Variants in NXF2B observed in about 807,000 individuals in gnomAD.
NXF2B encodes nuclear RNA export factor 2.
chrX:102,393,547 AAT>A (rs782589671), intron 2 of NXF2B, among the ~76,000 whole-genome samples: 8 of 5,320 alleles, frequency 1.5e-3, no homozygotes, highest in Admixed American at 2.7e-3. Context: ...AACAAAACTA[AAT>A]ATATATATAT....
At chrX:102,435,766 A>T (rs2147827238) in intron 2 of NXF2B, among the ~76,000 whole-genome samples, 1 of 94,163 alleles carries the variant, frequency 1.1e-5, no homozygotes, top group Admixed American at 1.2e-4. Flanking sequence ...ACAAAAAAAA[A>T]AAAAAAATCA....
At chrX:102,393,592 A>G (rs1245018213) in intron 2 of NXF2B, among the ~76,000 whole-genome samples, 1 of 33,740 alleles carries the variant, frequency 3.0e-5, no homozygotes, top group East Asian at 2.3e-3. Context: ...ATATATATAT[A>G]TGGAAAGAAA....
intron 2 of NXF2B, among the ~76,000 whole-genome samples, chrX:102,412,573 AGAGGAAGAGGAAGAGGAAGAG>A (rs1569471506): frequency 0.025 from 185 of 7,376 alleles, 19 homozygotes; most frequent in Non-Finnish European, 0.037. Flanking sequence ...AGAAGGAAGA[AGAGGAAGAGGAAGAGGAAGAG>A]GAAGAAGAAG....
At chrX:102,438,471 G>A (rs1934480416) in intron 2 of NXF2B, 82 bp downstream of exon 2, 1 of 59,044 alleles carries the variant, frequency 1.7e-5, no homozygotes, top group African/African-American at 5.4e-5. Context: ...AAACAGGTGT[G>A]CTTGCTACAA....
chrX:102,420,600 T>G (rs1934413093), intron 2 of NXF2B, among the ~76,000 whole-genome samples: 1 of 101,508 alleles, frequency 9.9e-6, no homozygotes, highest in Admixed American at 9.9e-5. Context: ...GTCTATCAAT[T>G]TTGTTGATCT....
At chrX:102,426,809 G>C (rs1239334059) in intron 2 of NXF2B, 1 of 111,468 alleles carries the variant, frequency 9.0e-6, no homozygotes, top group African/African-American at 3.3e-5. Flanking sequence ...AGTGAAAAAA[G>C]TTGAGAAGTT....
intron 2 of NXF2B, among the ~76,000 whole-genome samples, chrX:102,435,805 C>G (rs1379984538): frequency 1.2e-5 from 1 of 83,300 alleles, no homozygotes; most frequent in African/African-American, 4.1e-5. Context: ...GGAGTAATGT[C>G]TGTAACTGCA....
intron 2 of NXF2B, among the ~76,000 whole-genome samples, chrX:102,432,657 CATT>C (rs1934456071): frequency 1.5e-5 from 1 of 66,347 alleles, no homozygotes; most frequent in Non-Finnish European, 3.7e-5. Flanking sequence ...TAGGGACAAT[CATT>C]ATGGAAAACA....
At chrX:102,398,145 A>G (rs1934339186) in intron 2 of NXF2B, among the ~76,000 whole-genome samples, 1 of 84,921 alleles carries the variant, frequency 1.2e-5, no homozygotes, top group Admixed American at 1.2e-4. Context: ...ACAACCAGCC[A>G]ACAAACATAT....
intron 1 of NXF2B, among the ~76,000 whole-genome samples, chrX:102,377,179 TGTGTGA>T (rs1287653601): frequency 1.6e-3 from 87 of 52,885 alleles, no homozygotes; most frequent in African/African-American, 4.7e-3. Context: ...TGTGTGTGTG[TGTGTGA>T]GAGAGAGAGA....
intron 2 of NXF2B, among the ~76,000 whole-genome samples, chrX:102,392,448 T>C (rs1377598378): frequency 2.1e-5 from 2 of 97,254 alleles, no homozygotes; most frequent in Admixed American, 1.0e-4. Context: ...GATGCTGAAA[T>C]TCACCCCCCA....
At chrX:102,435,983 TAA>T (rs1556394792) in intron 2 of NXF2B, among the ~76,000 whole-genome samples, 6 of 24,523 alleles carry the variant, frequency 2.4e-4, no homozygotes, top group African/African-American at 7.8e-4. Flanking sequence ...AAATAAAAAA[TAA>T]AAAGTCTTTA....
At chrX:102,405,004 G>A (rs1346476690) in intron 2 of NXF2B, among the ~76,000 whole-genome samples, 6 of 39,315 alleles carry the variant, frequency 1.5e-4, no homozygotes, top group African/African-American at 3.5e-4. Context: ...AACTCTGGCC[G>A]GGCGTGGTGG....
chrX:102,398,350 G>A (rs1390019870), intron 2 of NXF2B, among the ~76,000 whole-genome samples: 1 of 31,302 alleles, frequency 3.2e-5, no homozygotes, highest in Non-Finnish European at 5.4e-5. Flanking sequence ...TCTGGGAAAC[G>A]GTATGGAGAT....
At chrX:102,398,043 G>A (rs1389952533) in intron 2 of NXF2B, among the ~76,000 whole-genome samples, 3 of 71,372 alleles carry the variant, frequency 4.2e-5, no homozygotes, top group African/African-American at 1.8e-4. Flanking sequence ...AATAAAAATC[G>A]GCAAGAAAAA....
At chrX:102,377,177 TGTGTGTGA>T (rs1254714008) in intron 1 of NXF2B, among the ~76,000 whole-genome samples, 143 of 74,714 alleles carry the variant, frequency 1.9e-3, no homozygotes, top group Admixed American at 0.013. Context: ...TGTGTGTGTG[TGTGTGTGA>T]GAGAGAGAGA....
intron 2 of NXF2B, among the ~76,000 whole-genome samples, chrX:102,398,007 T>A (rs1359411258): frequency 4.2e-5 from 4 of 96,197 alleles, no homozygotes; most frequent in Admixed American, 1.2e-4. Flanking sequence ...AACAAAGGAC[T>A]AATATCCAGA....
intron 2 of NXF2B, among the ~76,000 whole-genome samples, chrX:102,435,794 G>A (rs1556394742): frequency 5.7e-5 from 5 of 88,382 alleles, no homozygotes; most frequent in Middle Eastern, 6.1e-3. Flanking sequence ...GGTTATTCGC[G>A]GGAGTAATGT....
At chrX:102,377,148 T>TTGTGTGTGTG (rs781891878) in intron 1 of NXF2B, among the ~76,000 whole-genome samples, 2 of 54,414 alleles carry the variant, frequency 3.7e-5, no homozygotes, top group African/African-American at 7.8e-5. Flanking sequence ...GAGAGTGTAT[T>TTGTGTGTGTG]TGTGTGTGTG....
Sources: gnomAD v4.1 joint callset for allele counts (sites outside exome capture counted in the v4.1 genomes callset) on GRCh38, gnomAD v4.1.1 for gene constraint, MANE v1.5 for transcripts, NCBI Gene and HGNC (gene_info 2026-07-23, HGNC 2026-07-21) for gene names.